Variants in CTNNA3 observed in about 807,000 individuals in gnomAD.
The protein encoded by CTNNA3 is catenin alpha 3.
Under a neutral mutation model 95.7 loss-of-function variants are expected in CTNNA3, and 76 were observed. That is an observed-to-expected ratio of 0.79 (90% CI 0.66 to 0.96). The LOEUF (loss-of-function observed/expected upper bound fraction) is 0.96. Ranked by LOEUF, CTNNA3 falls within the 40% of genes least tolerant of loss-of-function variation. CTNNA3 has a pLI of 0.00. For missense variants in CTNNA3, 1,191 were observed against 1,089.8 expected (o/e 1.09, Z -1.31); for synonymous variants, 431 against 374.4 (o/e 1.15, Z -1.74).
intron 13 of CTNNA3, among the ~76,000 whole-genome samples, chr10:66,117,346 T>C (rs2082384852): frequency 6.6e-6 from 1 of 152,194 alleles, no homozygotes; most frequent in Non-Finnish European, 1.5e-5. Context: ...AAATACTATA[T>C]TATATATGCT....
At chr10:66,580,453 A>G (rs187596004) in intron 10 of CTNNA3, among the ~76,000 whole-genome samples, 1 of 151,818 alleles carries the variant, frequency 6.6e-6, no homozygotes, top group East Asian at 1.9e-4. Flanking sequence ...ACCAATTTTG[A>G]AATAGGTGAT....
At chr10:65,947,806 A>G (rs982999590) in intron 17 of CTNNA3, among the ~76,000 whole-genome samples, 1 of 152,230 alleles carries the variant, frequency 6.6e-6, no homozygotes, top group African/African-American at 2.4e-5. Flanking sequence ...CCTTTCTTAC[A>G]CGTTTTTCAA....
intron 9 of CTNNA3, among the ~76,000 whole-genome samples, chr10:66,625,301 A>G (rs1458246897): frequency 6.6e-6 from 1 of 152,140 alleles, no homozygotes; most frequent in Non-Finnish European, 1.5e-5. Flanking sequence ...AACATTGTAG[A>G]TGAGAATGCC....
intron 7 of CTNNA3, among the ~76,000 whole-genome samples, chr10:66,913,275 A>G (rs1197563297): frequency 2.0e-5 from 3 of 150,098 alleles, no homozygotes; most frequent in Admixed American, 6.6e-5. Flanking sequence ...AGAAAAAGAA[A>G]AAAGAAATGA....
rs12220690 is a variant in CTNNA3 at position 66,989,149 on chromosome 10, C to T, written c.1047+191168G>A. Among the ~76,000 whole-genome samples the T allele has an allele frequency of 0.023, 3,553 of 152,112 alleles. 395 individuals carry two copies. The East Asian group carries it at 0.3, about 13-fold the overall frequency. On this transcript the variant is annotated intron_variant, in intron 7 of 17. Transcript: ENST00000433211. ...GTCTAGCAGCAAGAAATGAAGAATC[C>T]GACTTGGAGTAAAATCTTTTTGAAG...
chr10:66,737,787 T>C (rs971572617), intron 9 of CTNNA3, among the ~76,000 whole-genome samples: 3 of 151,958 alleles, frequency 2.0e-5, no homozygotes, highest in Admixed American at 6.6e-5. Context: ...AACTCCTGAG[T>C]AGCTGGGATT....
chr10:66,772,436 A>C (rs1489982813), intron 8 of CTNNA3, among the ~76,000 whole-genome samples: 1 of 106,878 alleles, frequency 9.4e-6, no homozygotes, highest in East Asian at 3.1e-4. Flanking sequence ...AACAAAAAAA[A>C]AAAAAAGAGA....
chr10:67,178,350 A>G (rs1862343141), intron 7 of CTNNA3, among the ~76,000 whole-genome samples: 1 of 152,164 alleles, frequency 6.6e-6, no homozygotes, highest in East Asian at 1.9e-4. Flanking sequence ...CGAGACATAT[A>G]GTCACTTTAT....
chr10:65,955,603 G>A (rs1443959123), intron 17 of CTNNA3, among the ~76,000 whole-genome samples: 3 of 152,166 alleles, frequency 2.0e-5, no homozygotes, highest in Non-Finnish European at 4.4e-5. Context: ...ATGAAGTGCT[G>A]TTGAATTTTG....
At chr10:66,313,847 A>C (rs2092060423) in intron 12 of CTNNA3, among the ~76,000 whole-genome samples, 3 of 152,182 alleles carry the variant, frequency 2.0e-5, no homozygotes, top group Non-Finnish European at 4.4e-5. Flanking sequence ...CCATTCTCTA[A>C]TAGCTACAAG....
chr10:67,007,769 A>T (rs186678784), intron 7 of CTNNA3, among the ~76,000 whole-genome samples: 3,641 of 150,798 alleles, frequency 0.024, 167 homozygotes, highest in African/African-American at 0.082. Context: ...TAGTATTTTT[A>T]AAAAAAAAGT....
At chr10:66,469,813 T>C (rs1192660551) in intron 11 of CTNNA3, among the ~76,000 whole-genome samples, 4 of 151,812 alleles carry the variant, frequency 2.6e-5, no homozygotes, top group Non-Finnish European at 5.9e-5. Context: ...CAATAAAATC[T>C]GGAGATGAGT....
chr10:67,750,730 G>A, intron 1 of CTNNA3: 2 of 1,581,796 alleles, frequency 1.3e-6, no homozygotes, highest in East Asian at 2.2e-5. Context: ...GGAGCTGGTG[G>A]ATGAGGGGCT....
intron 7 of CTNNA3, among the ~76,000 whole-genome samples, chr10:67,135,916 A>T (rs1166445068): frequency 6.6e-6 from 1 of 152,222 alleles, no homozygotes; most frequent in East Asian, 1.9e-4. Context: ...AGAACCACTT[A>T]AGAAGCAAAG....
chr10:66,897,780 CTTAAA>C (rs1292168998), intron 7 of CTNNA3, among the ~76,000 whole-genome samples: 2 of 152,018 alleles, frequency 1.3e-5, no homozygotes, highest in Non-Finnish European at 2.9e-5. Flanking sequence ...TAAACTCAAA[CTTAAA>C]TTAGAAGTAT....
At chr10:67,211,693 G>A (rs1299178094) in intron 6 of CTNNA3, among the ~76,000 whole-genome samples, 1 of 152,076 alleles carries the variant, frequency 6.6e-6, no homozygotes, top group African/African-American at 2.4e-5. Flanking sequence ...ACAAATAAAT[G>A]TATTAAACTC....
chr10:67,309,381 C>T (rs1310705663), intron 5 of CTNNA3, among the ~76,000 whole-genome samples: 1 of 152,100 alleles, frequency 6.6e-6, no homozygotes, highest in African/African-American at 2.4e-5. Flanking sequence ...CTTCATAAAC[C>T]TTTCCTACAT....
At chr10:66,904,019 A>G (rs777583766) in intron 7 of CTNNA3, among the ~76,000 whole-genome samples, 5 of 152,180 alleles carry the variant, frequency 3.3e-5, no homozygotes, top group African/African-American at 4.8e-5. Context: ...ACAGAATTGG[A>G]AAAAACTACT....
intron 12 of CTNNA3, among the ~76,000 whole-genome samples, chr10:66,328,911 CAT>C (rs1554935009): frequency 0.09 from 7,742 of 86,452 alleles, 557 homozygotes; most frequent in Middle Eastern, 0.1. Context: ...CACATATATA[CAT>C]ATATATATAT....
Sources: allele counts gnomAD v4.1 joint callset (sites outside exome capture counted in the v4.1 genomes callset), GRCh38; gene constraint gnomAD v4.1.1; transcripts MANE v1.5; gene names NCBI Gene and HGNC (gene_info 2026-07-23, HGNC 2026-07-21).